FHIT: variants seen among roughly 807,000 people sequenced by gnomAD.
FHIT encodes the protein fragile histidine triad diadenosine triphosphatase, also known as bis(5'-adenosyl)-triphosphatase.
A neutral mutation model predicts 17.9 loss-of-function variants in FHIT; 19 were observed. The ratio of observed to expected loss-of-function variants is 1.06; its 90% CI spans 0.74 to 1.56. FHIT has a LOEUF of 1.56. Among genes scored for constraint, FHIT ranks in the 40% most tolerant of loss-of-function variants. The probability of loss-of-function intolerance (pLI) is 0.00; values close to 1 mark genes in which losing one functional copy is unlikely to be tolerated. For synonymous variants in FHIT, 81 were observed against 69.7 expected, an observed-to-expected ratio of 1.16 and a Z score of -0.81; for missense variants, 248 against 189.2, an observed-to-expected ratio of 1.31 and a Z score of -1.82.
At chr3:60,819,160 C>T (rs1701842333) in intron 4 of FHIT, among the ~76,000 whole-genome samples, 1 of 150,718 alleles carries the variant, frequency 6.6e-6, no homozygotes, top group African/African-American at 2.4e-5. Context: ...ATTTAGGAAA[C>T]ATTCCTTTGC....
intron 4 of FHIT, among the ~76,000 whole-genome samples, chr3:60,702,783 A>G (rs1344502005): frequency 2.0e-5 from 3 of 152,158 alleles, no homozygotes; most frequent in African/African-American, 7.2e-5. Flanking sequence ...ATTCCTGTGT[A>G]TTCTTCCTGA....
chr3:60,474,402 C>G (rs2033241590), intron 5 of FHIT, among the ~76,000 whole-genome samples: 1 of 152,116 alleles, frequency 6.6e-6, no homozygotes, highest in Non-Finnish European at 1.5e-5. Flanking sequence ...TTCTGTCACA[C>G]TCATATATAA....
intron 3 of FHIT, among the ~76,000 whole-genome samples, chr3:60,934,990 C>T (rs1276809448): frequency 6.6e-6 from 1 of 152,116 alleles, no homozygotes; most frequent in African/African-American, 2.4e-5. Flanking sequence ...CAGCACAAGG[C>T]CAATTTTCAC....
At chr3:61,075,615 A>C (rs911586347) in intron 2 of FHIT, among the ~76,000 whole-genome samples, 3 of 152,122 alleles carry the variant, frequency 2.0e-5, no homozygotes, top group African/African-American at 7.2e-5. Flanking sequence ...TTTTGATATA[A>C]CTAGGGAAAG....
intron 8 of FHIT, among the ~76,000 whole-genome samples, chr3:59,767,297 G>A (rs182153287): frequency 2.0e-4 from 31 of 152,252 alleles, no homozygotes; most frequent in African/African-American, 6.3e-4. Context: ...TCAGGAGTTC[G>A]AGACCAGCCT....
intron 5 of FHIT, among the ~76,000 whole-genome samples, chr3:60,217,902 T>C (rs1703772588): frequency 6.6e-6 from 1 of 152,208 alleles, no homozygotes; most frequent in Admixed American, 6.5e-5. Context: ...CATGGAATTT[T>C]TCTTAGCAGC....
At chr3:60,545,114 G>A (rs1170781175) in intron 4 of FHIT, among the ~76,000 whole-genome samples, 3 of 148,734 alleles carry the variant, frequency 2.0e-5, no homozygotes, top group Non-Finnish European at 4.5e-5. Context: ...TTTTTTTCTT[G>A]TATCAATTTC....
At chr3:60,077,465 T>C (rs1703062929) in intron 5 of FHIT, 1 of 151,678 alleles carries the variant, frequency 6.6e-6, no homozygotes, top group African/African-American at 2.4e-5. Flanking sequence ...GCTCCATTAA[T>C]GGGACAGGAC....
At chr3:61,115,956 A>C (rs1011250220) in intron 2 of FHIT, among the ~76,000 whole-genome samples, 1 of 152,230 alleles carries the variant, frequency 6.6e-6, no homozygotes, top group African/African-American at 2.4e-5. Context: ...CAGTCACCTT[A>C]GAATTTTATT....
rs56071877 is a variant in FHIT at position 60,667,021 on chromosome 3, ATTTTTTTTTTTTTT to A, written c.-17-130056_-17-130043del. 3.4e-3 allele frequency among the ~76,000 whole-genome samples: 115 copies of A among 34,148 alleles called. 4 individuals are homozygous for A. In the East Asian group the frequency reaches 0.046, roughly 14 times the overall value. 22.4% of individuals were successfully genotyped at this position (34,148 alleles called of 152,430 possible). On this transcript the variant is annotated intron_variant, in intron 4 of 9. Coordinates refer to ENST00000492590, the MANE Select transcript of FHIT (RefSeq NM_002012.4). Reference sequence around the variant, plus strand: ...AGGTGTGCACCACCATGCCTGGTTAATTTTTTTTTTTTTTTTTTTTTTTTTTTTTGGTAGAGACA... The same window carrying A: ...AGGTGTGCACCACCATGCCTGGTTAATTTTTTTTTTTTTTTGGTAGAGACA...
At chr3:60,251,811 C>T (rs1397396383) in intron 5 of FHIT, among the ~76,000 whole-genome samples, 5 of 152,118 alleles carry the variant, frequency 3.3e-5, no homozygotes, top group Non-Finnish European at 2.9e-5. Context: ...AAGTCAAAGC[C>T]CTGCTGTGAA....
At chr3:60,369,881 C>T (rs1416249614) in intron 5 of FHIT, among the ~76,000 whole-genome samples, 1 of 152,142 alleles carries the variant, frequency 6.6e-6, no homozygotes, top group Non-Finnish European at 1.5e-5. Flanking sequence ...AAGGAACCCT[C>T]ATTAAACCAA....
intron 5 of FHIT, among the ~76,000 whole-genome samples, chr3:60,527,452 A>G (rs1446925782): frequency 6.6e-6 from 1 of 152,214 alleles, no homozygotes; most frequent in Non-Finnish European, 1.5e-5. Flanking sequence ...AACTTCAGGC[A>G]TTTCAAAACC....
chr3:60,793,596 C>T (rs1480501678), intron 4 of FHIT, among the ~76,000 whole-genome samples: 2 of 152,200 alleles, frequency 1.3e-5, no homozygotes, highest in African/African-American at 4.8e-5. Flanking sequence ...AGCCATAGCG[C>T]CCAGACAAAC....
chr3:60,382,154 C>T (rs975117648), intron 5 of FHIT, among the ~76,000 whole-genome samples: 6 of 152,158 alleles, frequency 3.9e-5, no homozygotes, highest in Admixed American at 3.3e-4. Flanking sequence ...TTGTGCCTCA[C>T]ATGTACACCT....
intron 4 of FHIT, among the ~76,000 whole-genome samples, chr3:60,643,666 A>G (rs1298418795): frequency 6.6e-6 from 1 of 152,182 alleles, no homozygotes; most frequent in Non-Finnish European, 1.5e-5. Flanking sequence ...AACTTTCTCC[A>G]GCCACAAAGT....
At chr3:60,926,074 C>G (rs1420182956) in intron 3 of FHIT, among the ~76,000 whole-genome samples, 6 of 152,144 alleles carry the variant, frequency 3.9e-5, no homozygotes, top group African/African-American at 1.4e-4. Context: ...TAGAGACCTA[C>G]AAAGAGACTT....
chr3:60,390,962 T>C (rs1481624971), intron 5 of FHIT, among the ~76,000 whole-genome samples: 1 of 152,084 alleles, frequency 6.6e-6, no homozygotes, highest in Non-Finnish European at 1.5e-5. Flanking sequence ...GGAGGATCAC[T>C]TGAGGCCAGG....
intron 2 of FHIT, among the ~76,000 whole-genome samples, chr3:61,061,178 G>C (rs2034415163): frequency 6.6e-6 from 1 of 152,308 alleles, no homozygotes; most frequent in Admixed American, 6.5e-5. Context: ...TAGAAGACTA[G>C]CTGGGAAGAA....
Sources: allele counts gnomAD v4.1 joint callset (sites outside exome capture counted in the v4.1 genomes callset), GRCh38; gene constraint gnomAD v4.1.1; transcripts MANE v1.5; gene names NCBI Gene and HGNC (gene_info 2026-07-23, HGNC 2026-07-21).